DST: variants seen among roughly 807,000 people sequenced by gnomAD.
DST encodes dystonin.
Under a neutral mutation model 875.2 loss-of-function variants are expected in DST, and 253 were observed. The observed-to-expected ratio is 0.29, with a 90% CI of 0.26 to 0.32. The LOEUF (loss-of-function observed/expected upper bound fraction) is 0.32, where lower values mean the gene tolerates loss of function less well. Among genes scored for constraint, DST ranks in the 10% least tolerant of loss-of-function variants. The pLI, the probability that DST is intolerant of heterozygous loss-of-function variation, is 1.00. For synonymous variants in DST, 3,124 were observed against 3,197.1 expected (o/e 0.98, Z 0.77); for missense variants, 8,287 against 9,111.6 (o/e 0.91, Z 3.68).
chr6:56,636,305 T>C (rs546089269), intron 23 of DST, among the ~76,000 whole-genome samples: 17 of 150,982 alleles, frequency 1.1e-4, no homozygotes, highest in African/African-American at 4.1e-4. Context: ...TATATACATA[T>C]ATAACAGTGT....
At chr6:56,876,393 T>A (rs983648102) in intron 3 of DST, among the ~76,000 whole-genome samples, 63 of 152,336 alleles carry the variant, frequency 4.1e-4, no homozygotes, top group African/African-American at 1.5e-3. Context: ...GAACCAACTC[T>A]GAGACCTCTC....
intron 5 of DST, among the ~76,000 whole-genome samples, chr6:56,724,304 C>G (rs142341853): frequency 5.9e-5 from 9 of 152,204 alleles, no homozygotes; most frequent in African/African-American, 2.2e-4. Flanking sequence ...TTAGAATATG[C>G]ATGGATACTG....
chr6:56,462,491 C>T (rs1160335270), intron 102 of DST, among the ~76,000 whole-genome samples: 1 of 152,124 alleles, frequency 6.6e-6, no homozygotes, highest in Admixed American at 6.5e-5. Context: ...CCCTCTGACC[C>T]CCCTGCACTG....
At chr6:56,540,550 G>C (rs986175704) in intron 61 of DST, 2 of 152,650 alleles carry the variant, frequency 1.3e-5, no homozygotes, top group Non-Finnish European at 2.9e-5. Context: ...CTGTGTGAGA[G>C]AGATCTAAAT....
At chr6:56,766,435 T>C (rs1272840336) in intron 4 of DST, among the ~76,000 whole-genome samples, 1 of 152,018 alleles carries the variant, frequency 6.6e-6, no homozygotes, top group Non-Finnish European at 1.5e-5. Flanking sequence ...CTGGCTATCA[T>C]GTTGTTTGGG....
At position 56,592,203 on chromosome 6, in the gene DST, T is replaced by C; in HGVS notation, c.12882A>G (p.Gln4294=). ...TTACCTTGGTCTCTTCTAATTGCCT[T>C]TGAAGATTTTTGGGGTCCACCGCAA... ...EPIAVDPKNL[Q]RQLEETKALQ... is the part of the protein sequence containing the mutation. Residue 4294 remains glutamine (Q), a synonymous_variant, in exon 49 of 104, where the codon CAA becomes CAG. Transcript: ENST00000680361. The C allele has an allele frequency of 6.2e-7, 1 of 1,613,608 alleles. No individual in the cohort carries two copies. Among genetic ancestry groups the C allele is most frequent in the Non-Finnish European group, 8.5e-7 (1 of 1,179,764 alleles).
chr6:56,892,825 C>T lies in DST; in HGVS notation c.417+7596G>A, dbSNP rs75198374. On this transcript the variant is annotated intron_variant, in intron 3 of 103. Coordinates refer to ENST00000680361, the MANE Select transcript of DST (RefSeq NM_001374736.1). Reference sequence around the variant, plus strand: ...ATTCACTCAGATGCCAAATGCCAAACGCCAGATGCCAGGAGATATTCTAGA... The same window carrying T: ...ATTCACTCAGATGCCAAATGCCAAATGCCAGATGCCAGGAGATATTCTAGA... 6.3e-3 allele frequency among the ~76,000 whole-genome samples: 964 copies of T among 152,216 alleles called. 10 individuals carry two copies. Among genetic ancestry groups the T allele is most frequent in the African/African-American group, 0.022 (926 of 41,532 alleles).
In DST at chr6:56,631,530, A is replaced by G. The variant is rs1281271393; in HGVS notation, c.3964-141T>C. On this transcript the variant is annotated intron_variant, in intron 29 of 103. Coordinates refer to ENST00000680361, the MANE Select transcript of DST (RefSeq NM_001374736.1). ...ATATTCTTTGTTTGTTATCAAAGAAACTACATCATAGCATTCAAGTTTTAC... is the reference window on the plus strand; with the variant it reads ...ATATTCTTTGTTTGTTATCAAAGAAGCTACATCATAGCATTCAAGTTTTAC... The G allele has an allele frequency of 5.5e-6, 4 of 724,748 alleles. No homozygotes were observed. The Admixed American group carries it at 7.6e-5, about 14-fold the overall frequency. 44.9% of individuals were successfully genotyped at this position (724,748 alleles called of 1,614,324 possible).
rs758758958 is a variant in DST at position 56,530,101 on chromosome 6, G to A, written c.17141C>T (p.Ala5714Val). The A allele has an allele frequency of 3.1e-5, 50 of 1,607,968 alleles. No individual in the cohort carries two copies. The highest frequency in any genetic ancestry group is 4.2e-5 in the Non-Finnish European group (49 of 1,177,750). The change falls in exon 65 of 104, where the codon GCA becomes GTA. Residue 5714 changes from alanine to valine, a missense_variant. Around this residue, in one of 10 missense-constraint regions of DST, gnomAD observed 777 missense variants for 764.8 expected, o/e 1.02. Coordinates refer to ENST00000680361, the MANE Select transcript of DST (RefSeq NM_001374736.1). ...TTCTAAGGTTTCATGAAATTGCTGTGCTACCACCGAGATACCTTCCAACTG... is the reference window on the plus strand; with the variant it reads ...TTCTAAGGTTTCATGAAATTGCTGTACTACCACCGAGATACCTTCCAACTG... ...NRQLEGISVV[A>V]QQFHETLEPL...
intron 5 of DST, among the ~76,000 whole-genome samples, chr6:56,715,453 G>C (rs1763684042): frequency 6.6e-6 from 1 of 152,188 alleles, no homozygotes; most frequent in African/African-American, 2.4e-5. Context: ...TTGAAGAGAA[G>C]AAATTGGAAG....
At chr6:56,901,440 C>A (rs376999197) in intron 2 of DST, among the ~76,000 whole-genome samples, 2 of 151,944 alleles carry the variant, frequency 1.3e-5, no homozygotes, top group African/African-American at 4.8e-5. Context: ...TACTAAAAAT[C>A]AAAAATTAGC....
chr6:56,817,194 T>C (rs150055744), intron 4 of DST, among the ~76,000 whole-genome samples: 2 of 152,270 alleles, frequency 1.3e-5, no homozygotes, highest in Non-Finnish European at 2.9e-5. Flanking sequence ...GACTACTACT[T>C]TTCACTCTGG....
rs116259785 is a variant in DST, at chr6:56,729,120, T to C, written c.687+6108A>G. ...CCTTGTACTACTTTATTTTTGCAACTTTTTAAAGTTTAAAATATTTCCAAG... is the reference window on the plus strand; with the variant it reads ...CCTTGTACTACTTTATTTTTGCAACCTTTTAAAGTTTAAAATATTTCCAAG... On this transcript the variant is annotated intron_variant, in intron 5 of 103. Transcript: ENST00000680361. Among the ~76,000 whole-genome samples, 1,426 of 152,258 alleles carry C rather than the reference T, an allele frequency of 9.4e-3. 24 individuals carry two copies. Among genetic ancestry groups the C allele is most frequent in the African/African-American group, 0.032 (1,350 of 41,542 alleles).
chr6:56,780,321 A>C (rs1420190311), intron 4 of DST, among the ~76,000 whole-genome samples: 1 of 151,816 alleles, frequency 6.6e-6, no homozygotes, highest in Non-Finnish European at 1.5e-5. Context: ...ACAACGGTTG[A>C]ACTAGTTTAC....
chr6:56,639,487 C>T lies in DST; in HGVS notation c.2822G>A (p.Arg941Lys). The T allele has an allele frequency of 6.2e-7, 1 of 1,613,800 alleles. No individual in the cohort carries two copies. The highest frequency in any genetic ancestry group is 8.5e-7 in the Non-Finnish European group (1 of 1,179,884). The change falls in exon 21 of 104, where the codon AGA becomes AAA. Residue 941 changes from arginine to lysine, a missense_variant. Arg to Lys is a conservative substitution (Grantham distance 26, BLOSUM62 2). This residue lies in a region of DST where 1,160 missense variants were observed against 1,424.3 expected (regional missense o/e 0.81). Coordinates refer to ENST00000680361, the MANE Select transcript of DST (RefSeq NM_001374736.1). ...TTTTTTCCTAGCTATGTTGGTGTTT[C>T]TCTCACTCCAGTCATAAGCAACTTC... Reference protein sequence around the residue: ...EEEVAYDWSERNTNIARKKDY... With the variant: ...EEEVAYDWSEKNTNIARKKDY...
intron 24 of DST, 123 bp downstream of exon 24, chr6:56,635,466 A>T: frequency 1.0e-6 from 1 of 989,664 alleles, no homozygotes; most frequent in Non-Finnish European, 1.5e-6. Context: ...TGAATGTGCA[A>T]ATGTGTAATT....
At chr6:56,903,181 T>C (rs1487436053) in intron 2 of DST, among the ~76,000 whole-genome samples, 1 of 152,216 alleles carries the variant, frequency 6.6e-6, no homozygotes, top group Non-Finnish European at 1.5e-5. Context: ...TCAGTACATT[T>C]CTTTGGTAAG....
intron 3 of DST, among the ~76,000 whole-genome samples, chr6:56,893,605 A>ATT (rs1789045571): frequency 1.6e-5 from 1 of 63,404 alleles, no homozygotes; most frequent in African/African-American, 1.0e-4. Context: ...TTTATTTTTT[A>ATT]TTTTTTATTT....
At chr6:56,482,619 T>C (rs1582721608) in intron 89 of DST, 64 bp downstream of exon 89, 2 of 1,521,838 alleles carry the variant, frequency 1.3e-6, no homozygotes, top group East Asian at 2.3e-5. Context: ...TTTACTAGAA[T>C]AGTTCTTGTT....
Sources: allele counts gnomAD v4.1 joint callset (sites outside exome capture counted in the v4.1 genomes callset), GRCh38; gene constraint gnomAD v4.1.1; regional missense constraint gnomAD v4.1.1; transcripts MANE v1.5; gene names NCBI Gene and HGNC (gene_info 2026-07-23, HGNC 2026-07-21).